The following AADAT variants were observed in gnomAD, a reference collection of about 807,000 sequenced individuals.
The protein encoded by AADAT is kynurenine/alpha-aminoadipate aminotransferase, mitochondrial.
AADAT carries 25 observed loss-of-function variants against 56.2 expected under a neutral mutation model. The ratio of observed to expected loss-of-function variants is 0.44; its 90% CI spans 0.32 to 0.62. The LOEUF (loss-of-function observed/expected upper bound fraction) is 0.62. Among genes scored for constraint, AADAT ranks in the 20% least tolerant of loss-of-function variants. The pLI is 0.04. For synonymous variants in AADAT, 173 were observed against 164.7 expected (o/e 1.05, Z -0.39); for missense variants, 387 against 510.5 (o/e 0.76, Z 2.33).
intron 3 of AADAT, among the ~76,000 whole-genome samples, chr4:170,081,301 A>G (rs1732293400): frequency 6.6e-6 from 1 of 152,178 alleles, no homozygotes; most frequent in South Asian, 2.1e-4. Flanking sequence ...GTGCCTACGA[A>G]ATACAGAAAA....
rs548830822 is a variant in AADAT at position 170,085,289 on chromosome 4, C to A, written c.369+1827G>T. On this transcript the variant is annotated intron_variant, in intron 3 of 12. Coordinates refer to ENST00000337664, the MANE Select transcript of AADAT (RefSeq NM_016228.4). ...TGGAGTCATTGCCCTTAAACCCCTG[C>A]GTTGTTCAAGGGTCAACTGTAAATA... Among the ~76,000 whole-genome samples the A allele has an allele frequency of 2.7e-4, 41 of 152,092 alleles. 1 individual carries two copies. Among genetic ancestry groups the A allele is most frequent in the Non-Finnish European group, 5.1e-4 (35 of 68,028 alleles).
At chr4:170,087,660 A>G (rs1732629573) in intron 2 of AADAT, among the ~76,000 whole-genome samples, 1 of 152,200 alleles carries the variant, frequency 6.6e-6, no homozygotes, top group Admixed American at 6.5e-5. Flanking sequence ...TATATTTAAC[A>G]TATTACATAA....
rs1040358933 is a variant in AADAT, at chr4:170,060,831, C to G, written c.*97G>C. The G allele has an allele frequency of 6.8e-6, 7 of 1,033,690 alleles. No homozygotes were observed. In the Admixed American group the frequency reaches 1.6e-4, roughly 23 times the overall value. The allele number at this position is 1,033,690 out of a possible 1,614,324, so 64.0% of individuals were successfully genotyped here. On this transcript the variant is annotated 3_prime_UTR_variant, in exon 13 of 13. Coordinates refer to ENST00000337664, the MANE Select transcript of AADAT (RefSeq NM_016228.4). ...GTGGTGTGATCGTAGCTTACTGCAG[C>G]CTTGAATTCCTGGGTTCAAGTGATC...
intron 7 of AADAT, 54 bp from the exon 8 acceptor site, chr4:170,068,741 T>C (rs1295500337): frequency 6.0e-6 from 7 of 1,163,968 alleles, no homozygotes; most frequent in South Asian, 1.4e-5. Context: ...AATTAATACA[T>C]ATCACTTTCC....
At chr4:170,074,818 T>C (rs1731957458) in intron 4 of AADAT, among the ~76,000 whole-genome samples, 1 of 152,136 alleles carries the variant, frequency 6.6e-6, no homozygotes, top group South Asian at 2.1e-4. Context: ...GCATTGCTTA[T>C]AGACTTAGCT....
chr4:170,071,868 G>C (rs999627520), intron 5 of AADAT, among the ~76,000 whole-genome samples: 1 of 152,130 alleles, frequency 6.6e-6, no homozygotes, highest in African/African-American at 2.4e-5. Context: ...AGGAGGGAAC[G>C]ACAGGAATAA....
Position 170,087,117 on chromosome 4 carries a change from T to G in AADAT, c.368A>C (p.Lys123Thr). The G allele has an allele frequency of 6.2e-7, 1 of 1,613,840 alleles. No homozygotes were observed. The highest frequency in any genetic ancestry group is 8.5e-7 in the Non-Finnish European group (1 of 1,179,954). The change falls in exon 3 of 13, where the codon AAG (lysine) becomes ACG (threonine). Residue 123 changes from lysine to threonine, a missense_variant and splice_region_variant. Physicochemically the swap from Lys to Thr is moderately conservative, Grantham distance 78 (BLOSUM62 -1). Coordinates refer to ENST00000337664, the MANE Select transcript of AADAT (RefSeq NM_016228.4). ...GCTGAGTTTTCCTTTCAGTCTTACCTTACAAAGACCTTGTTGGCTGCCAGA... is the reference window on the plus strand; with the variant it reads ...GCTGAGTTTTCCTTTCAGTCTTACCGTACAAAGACCTTGTTGGCTGCCAGA... ...VTSGSQQGLC[K>T]VFEMIINPGD... is the part of the protein sequence containing the mutation.
In AADAT at chr4:170,088,491, A is replaced by C. The variant is rs1316292238; in HGVS notation, c.141T>G (p.Pro47=). The change falls in exon 2 of 13, where the codon CCT becomes CCG. Residue 47 remains proline, a synonymous_variant. Coordinates refer to ENST00000337664, the MANE Select transcript of AADAT (RefSeq NM_016228.4). ...CTACAGTGATTACGGCAGTCTTAAA[A>C]GGAAACATGTTTGGATTTGGTAAGC... ...AGGLPNPNMF[P]FKTAVITVEN... is the part of the protein sequence containing the mutation. 2.5e-6 allele frequency: 4 copies of C among 1,613,768 alleles called. No homozygotes were observed. Among genetic ancestry groups the C allele is most frequent in the Non-Finnish European group, 2.5e-6 (3 of 1,179,802 alleles).
chr4:170,082,672 T>C (rs1289013484), intron 3 of AADAT, among the ~76,000 whole-genome samples: 2 of 152,106 alleles, frequency 1.3e-5, no homozygotes, highest in African/African-American at 4.8e-5. Context: ...CCCAATCATA[T>C]GCAGCTTACA....
chr4:170,073,734 C>T (rs539282447), intron 4 of AADAT, among the ~76,000 whole-genome samples: 3 of 152,064 alleles, frequency 2.0e-5, no homozygotes, highest in African/African-American at 7.2e-5. Context: ...CTCCTGACCT[C>T]GTGATCCGCC....
upstream of AADAT, among the ~76,000 whole-genome samples, chr4:170,093,614 G>A (rs969793478): frequency 2.0e-4 from 30 of 152,264 alleles, no homozygotes; most frequent in African/African-American, 6.7e-4. Context: ...GAGGCAGAGT[G>A]TCTAGAGTCT....
chr4:170,066,056 T>C (rs1275309643), intron 10 of AADAT, among the ~76,000 whole-genome samples: 1 of 152,192 alleles, frequency 6.6e-6, no homozygotes, highest in Non-Finnish European at 1.5e-5. Flanking sequence ...TCTGCCTTTG[T>C]ACAGCTTAGT....
At position 170,067,411 on chromosome 4, in the gene AADAT, T is replaced by C. The variant is rs1392101361; in HGVS notation, c.901-23A>G. 6 of 1,598,220 alleles carry C rather than the reference T, an allele frequency of 3.8e-6. No homozygotes were observed. In the East Asian group the frequency reaches 1.3e-4, roughly 36 times the overall value. On this transcript the variant is annotated intron_variant, in intron 8 of 12. Transcript: ENST00000337664. Reference sequence around the variant, plus strand: ...GAGCTAAAAGAGATAAAATCATAAATACCATGTTTCATCCCCTGAAAATGT... The same window carrying C: ...GAGCTAAAAGAGATAAAATCATAAACACCATGTTTCATCCCCTGAAAATGT...
At chr4:170,087,279 A>G (rs375067600) in intron 2 of AADAT, 31 bp from the exon 3 acceptor site, 5 of 1,594,974 alleles carry the variant, frequency 3.1e-6, no homozygotes, top group Non-Finnish European at 4.3e-6. Context: ...TTAAATTCAT[A>G]GTAGTAAAAA....
chr4:170,076,991 G>GGGGGAT (rs1732068509), intron 4 of AADAT, among the ~76,000 whole-genome samples: 1 of 152,092 alleles, frequency 6.6e-6, no homozygotes, highest in Non-Finnish European at 1.5e-5. Flanking sequence ...AATGATCTTG[G>GGGGGAT]CACCCTTACT....
Position 170,070,555 on chromosome 4 carries a change from T to C in AADAT, c.720+32A>G, listed in dbSNP as rs745352824. The C allele has an allele frequency of 3.3e-6, 5 of 1,513,062 alleles. No homozygotes were observed. In the South Asian group the frequency reaches 5.8e-5, roughly 18 times the overall value. The allele number at this position is 1,513,062 out of a possible 1,614,324, so 93.7% of individuals were successfully genotyped here. ...CAGTAACTTAAAACAACTTATCTTCTAATAGTGAAGTAAGTTCACATAATC... is the reference window on the plus strand; with the variant it reads ...CAGTAACTTAAAACAACTTATCTTCCAATAGTGAAGTAAGTTCACATAATC... On this transcript the variant is annotated intron_variant, in intron 6 of 12. Coordinates refer to ENST00000337664, the MANE Select transcript of AADAT (RefSeq NM_016228.4).
chr4:170,089,723 T>C lies in AADAT; in HGVS notation c.-33A>G. 1 of 1,612,400 alleles carries C rather than the reference T, an allele frequency of 6.2e-7. No homozygotes were observed. Among genetic ancestry groups the C allele is most frequent in the Admixed American group, 1.7e-5 (1 of 59,966 alleles). ...GACAGCCAAGCATCAAGCTTCTTCT[T>C]CAGTGGTTGAGGACTAGAAAAACCA... is the stretch of plus-strand genomic sequence containing the variant. On this transcript the variant is annotated 5_prime_UTR_variant, in exon 1 of 13. Transcript: ENST00000337664.
chr4:170,091,218 G>A (rs936731383), upstream of AADAT, among the ~76,000 whole-genome samples: 5 of 152,148 alleles, frequency 3.3e-5, no homozygotes, highest in South Asian at 2.1e-4. Flanking sequence ...TCAGCCTGCG[G>A]GGAGGTGTGT....
At chr4:170,081,193 C>T (rs1732285653) in intron 3 of AADAT, among the ~76,000 whole-genome samples, 1 of 152,114 alleles carries the variant, frequency 6.6e-6, no homozygotes, top group Non-Finnish European at 1.5e-5. Context: ...ATTAGAGGCT[C>T]TCATCATCAA....
Sources: gnomAD v4.1 joint callset for allele counts (sites outside exome capture counted in the v4.1 genomes callset) on GRCh38, gnomAD v4.1.1 for gene constraint, MANE v1.5 for transcripts, NCBI Gene and HGNC (gene_info 2026-07-23, HGNC 2026-07-21) for gene names.